RANBP10: variants seen among roughly 807,000 people sequenced by gnomAD.
RANBP10 encodes the protein ran-binding protein 10.
Under a neutral mutation model 72.8 loss-of-function variants are expected in RANBP10, and 24 were observed. The ratio of observed to expected loss-of-function variants is 0.33; its 90% CI spans 0.24 to 0.46. RANBP10 has a LOEUF of 0.46. Among genes scored for constraint, RANBP10 ranks in the 20% least tolerant of loss-of-function variants. The pLI is 1.00. For synonymous variants in RANBP10, 310 were observed against 322.3 expected (o/e 0.96, Z 0.41); for missense variants, 679 against 817.5 (o/e 0.83, Z 2.07).
rs917614770 is a variant in RANBP10, at chr16:67,780,450, G to A, written c.348-8364C>T. ...GAACTTCATGAGAGGTAAATGGGAA[G>A]CCACAGAAGGGGCTAAGCTGGGGAT... On this transcript the variant is annotated intron_variant, in intron 2 of 13. Coordinates refer to ENST00000317506, the MANE Select transcript of RANBP10 (RefSeq NM_020850.3). 5.3e-5 allele frequency among the ~76,000 whole-genome samples: 8 copies of A among 151,822 alleles called. No individual in the cohort carries two copies. The South Asian group carries it at 1.2e-3, about 24-fold the overall frequency.
intron 2 of RANBP10, among the ~76,000 whole-genome samples, chr16:67,783,040 C>G (rs1264745254): frequency 6.6e-6 from 1 of 151,954 alleles, no homozygotes; most frequent in Non-Finnish European, 1.5e-5. Context: ...CACCTAGCAC[C>G]CCGAGTCTTG....
chr16:67,772,090 CAAAAAAAAAAAA>C lies in RANBP10; in HGVS notation c.348-16_348-5del. 2 of 1,312,736 alleles carry C rather than the reference CAAAAAAAAAAAA, an allele frequency of 1.5e-6. No homozygotes were observed. Among genetic ancestry groups the C allele is most frequent in the Non-Finnish European group, 2.0e-6 (2 of 1,021,522 alleles). 81.3% of individuals were successfully genotyped at this position (1,312,736 alleles called of 1,614,324 possible). ...CGAGAGTCCTATTCCCATGTAACTT[CAAAAAAAAAAAA>C]AAAAAAAACACAAAATTTTTGGTTA... On this transcript the variant is annotated splice_polypyrimidine_tract_variant and splice_region_variant and intron_variant, in intron 2 of 13. Transcript: ENST00000317506.
chr16:67,755,807 A>G (rs1233264278), intron 3 of RANBP10, among the ~76,000 whole-genome samples: 1 of 151,760 alleles, frequency 6.6e-6, no homozygotes, highest in African/African-American at 2.4e-5. Context: ...TGGGGACAAC[A>G]CTCTGACAGA....
chr16:67,754,788 G>C (rs537301050), intron 3 of RANBP10, among the ~76,000 whole-genome samples: 1 of 152,332 alleles, frequency 6.6e-6, no homozygotes, highest in African/African-American at 2.4e-5. Context: ...CCACAGCACT[G>C]TTCTTCCCGT....
chr16:67,729,337 T>C lies in RANBP10; in HGVS notation c.1295A>G (p.Asn432Ser), dbSNP rs768955867. Reference sequence around the variant, plus strand: ...CTGGGACTTGGTGGAGTCTGTTGAGTTGGACTCGGAGTAATTGACGGAGGA... The same window carrying C: ...CTGGGACTTGGTGGAGTCTGTTGAGCTGGACTCGGAGTAATTGACGGAGGA... The part of the protein sequence containing the change: ...SPSSVNYSES[N>S]STDSTKSQHH... Residue 432 changes from asparagine to serine, a missense_variant, in exon 10 of 14, where the codon AAC becomes AGC. Transcript: ENST00000317506. The surrounding 1 kb of genome is among the most constrained non-coding windows in gnomAD (Gnocchi z 7.1). 1.9e-6 allele frequency: 3 copies of C among 1,612,184 alleles called. No homozygotes were observed. The highest frequency in any genetic ancestry group is 3.3e-5 in the Admixed American group (2 of 59,968).
At position 67,730,131 on chromosome 16, in the gene RANBP10, T is replaced by C; in HGVS notation, c.890-85A>G. The C allele has an allele frequency of 7.6e-7, 1 of 1,316,206 alleles. No homozygotes were observed. Among genetic ancestry groups the C allele is most frequent in the Non-Finnish European group, 1.1e-6 (1 of 932,956 alleles). 81.5% of individuals were successfully genotyped at this position (1,316,206 alleles called of 1,614,324 possible). On this transcript the variant is annotated intron_variant, in intron 7 of 13. Coordinates refer to ENST00000317506, the MANE Select transcript of RANBP10 (RefSeq NM_020850.3). The surrounding 1 kb of genome is among the most constrained non-coding windows in gnomAD (Gnocchi z 4.3). ...ACCTGGGATGCTGCCAGCCTCAGGG[T>C]AGGGTCCGGCTCAGAGTGCCTCGCC...
intron 10 of RANBP10, among the ~76,000 whole-genome samples, chr16:67,728,852 G>T (rs1387608312): frequency 6.6e-6 from 1 of 152,226 alleles, no homozygotes; most frequent in African/African-American, 2.4e-5. Context: ...GGCCTTGGTT[G>T]GAAGCCAAAC....
chr16:67,727,741 C>T lies in RANBP10; in HGVS notation c.1620+10G>A. On this transcript the variant is annotated intron_variant, in intron 12 of 13. Transcript: ENST00000317506. ...GGCCTGCTCTGCATGAGGCCCGGCT[C>T]ATCCTGTACCTGCAGCATCTCTGTG... is the stretch of plus-strand genomic sequence containing the variant. The T allele has an allele frequency of 6.2e-7, 1 of 1,614,162 alleles. No homozygotes were observed. Among genetic ancestry groups the T allele is most frequent in the Non-Finnish European group, 8.5e-7 (1 of 1,180,040 alleles).
intron 2 of RANBP10, among the ~76,000 whole-genome samples, chr16:67,779,111 T>C (rs993952130): frequency 2.2e-5 from 3 of 138,142 alleles, no homozygotes; most frequent in Non-Finnish European, 4.7e-5. Context: ...AAAATAAAAA[T>C]AGTCTGGGCG....
chr16:67,740,333 T>C (rs890909900), intron 4 of RANBP10, among the ~76,000 whole-genome samples: 5 of 152,060 alleles, frequency 3.3e-5, no homozygotes, highest in African/African-American at 1.2e-4. Context: ...CTCGATCTCC[T>C]GACCTCATGA....
At position 67,778,051 on chromosome 16, in the gene RANBP10, A is replaced by T. The variant is rs375382014; in HGVS notation, c.348-5965T>A. On this transcript the variant is annotated intron_variant, in intron 2 of 13. Transcript: ENST00000317506. ...CGCTGGGACATCTGGATAATCACAA[A>T]CAAAAGAACAAAGTTTGGCCAGGTG... Among the ~76,000 whole-genome samples the T allele has an allele frequency of 2.6e-5, 4 of 152,156 alleles. No homozygotes were observed. The East Asian group carries it at 5.8e-4, about 22-fold the overall frequency.
chr16:67,731,460 A>T lies in RANBP10; in HGVS notation c.889+12T>A. The T allele has an allele frequency of 6.3e-7, 1 of 1,596,490 alleles. No homozygotes were observed. Among genetic ancestry groups the T allele is most frequent in the Non-Finnish European group, 8.6e-7 (1 of 1,163,934 alleles). On this transcript the variant is annotated intron_variant, in intron 7 of 13. Transcript: ENST00000317506. ...GTGAGGAAGGGAAAGGGGAAAGTAGAATAAACCTTACTTTGTCTGTTCTTT... is the reference window on the plus strand; with the variant it reads ...GTGAGGAAGGGAAAGGGGAAAGTAGTATAAACCTTACTTTGTCTGTTCTTT...
rs540100156 is a variant in RANBP10, at chr16:67,735,012, T to A, written c.622A>T (p.Thr208Ser). 1.2e-6 allele frequency: 2 copies of A among 1,610,894 alleles called. No homozygotes were observed. The highest frequency in any genetic ancestry group is 2.7e-5 in the African/African-American group (2 of 74,990). ...ANLYPTVGLQ[T>S]PGEIVDANFG... ...TTGGCGTCCACAATCTCCCCAGGTG[T>A]CTGCAGGCCTACGGTGGGGTAGAGG... is the stretch of plus-strand genomic sequence containing the variant. The change falls in exon 6 of 14, where the codon ACA becomes TCA. Residue 208 changes from threonine (T) to serine (S), a missense_variant. Coordinates refer to ENST00000317506, the MANE Select transcript of RANBP10 (RefSeq NM_020850.3).
chr16:67,734,948 T>C lies in RANBP10; in HGVS notation c.686A>G (p.Tyr229Cys). 3.1e-6 allele frequency: 5 copies of C among 1,614,146 alleles called. No individual in the cohort carries two copies. Among genetic ancestry groups the C allele is most frequent in the South Asian group, 1.1e-5 (1 of 91,070 alleles). Reference protein sequence around the residue: ...QQPFLFDIEDYMREWRAKVQG... With the variant: ...QQPFLFDIEDCMREWRAKVQG... Reference sequence around the variant, plus strand: ...GACCTTGGCACGCCACTCCCGCATGTAGTCCTCAATGTCAAACAGGAAGGG... The same window carrying C: ...GACCTTGGCACGCCACTCCCGCATGCAGTCCTCAATGTCAAACAGGAAGGG... Residue 229 changes from tyrosine (Y) to cysteine (C), a missense_variant, in exon 6 of 14, where the codon TAC becomes TGC. Physicochemically the swap from Tyr to Cys is radical, Grantham distance 194. Coordinates refer to ENST00000317506, the MANE Select transcript of RANBP10 (RefSeq NM_020850.3).
At chr16:67,731,276 C>T (rs770116173) in intron 7 of RANBP10, 196 bp downstream of exon 7, 29 of 541,776 alleles carry the variant, frequency 5.4e-5, no homozygotes, top group Non-Finnish European at 7.3e-5. Flanking sequence ...TGCCCTGAGA[C>T]GTCTCCATCC....
intron 2 of RANBP10, among the ~76,000 whole-genome samples, chr16:67,777,079 G>A (rs945661632): frequency 1.1e-4 from 17 of 151,746 alleles, no homozygotes; most frequent in African/African-American, 4.1e-4. Context: ...GCGTGGTGGT[G>A]CATGCCTGTA....
rs61683439 is a variant in RANBP10, at chr16:67,785,731, C to CAAAAAAAAA, written c.348-13654_348-13646dup. 4.2e-4 allele frequency among the ~76,000 whole-genome samples: 30 copies of CAAAAAAAAA among 71,756 alleles called. 3 individuals carry two copies. Among genetic ancestry groups the CAAAAAAAAA allele is most frequent in the South Asian group, 1.7e-3 (4 of 2,402 alleles). 47.1% of individuals were successfully genotyped at this position (71,756 alleles called of 152,430 possible). Reference sequence around the variant, plus strand: ...AAACAGAGTGAGTGAGACTCCATCTCAAAAAAAAAAAAAAAGCCAGGCACA... The same window carrying CAAAAAAAAA: ...AAACAGAGTGAGTGAGACTCCATCTCAAAAAAAAAAAAAAAAAAAAAAAAGCCAGGCACA... On this transcript the variant is annotated intron_variant, in intron 2 of 13. Coordinates refer to ENST00000317506, the MANE Select transcript of RANBP10 (RefSeq NM_020850.3).
intron 5 of RANBP10, among the ~76,000 whole-genome samples, chr16:67,736,623 G>A (rs867916937): frequency 2.6e-5 from 4 of 152,266 alleles, no homozygotes; most frequent in African/African-American, 9.6e-5. Context: ...CTTCCTGACC[G>A]TCACTGCCTA....
chr16:67,742,263 C>A (rs558647697), intron 4 of RANBP10, among the ~76,000 whole-genome samples: 1 of 152,246 alleles, frequency 6.6e-6, no homozygotes, highest in East Asian at 1.9e-4. Flanking sequence ...CAACTATACA[C>A]TGAAGGGCTC....
Sources: gnomAD v4.1 joint callset for allele counts (sites outside exome capture counted in the v4.1 genomes callset) on GRCh38, gnomAD v4.1.1 for gene constraint, Gnocchi (gnomAD v3.1) non-coding constraint, MANE v1.5 for transcripts, NCBI Gene and HGNC (gene_info 2026-07-23, HGNC 2026-07-21) for gene names.